The following PDE9A variants were observed in gnomAD, a reference collection of about 807,000 sequenced individuals.
The protein encoded by PDE9A is phosphodiesterase 9A, also known as high affinity cGMP-specific 3',5'-cyclic phosphodiesterase 9A.
Under a neutral mutation model 87.4 loss-of-function variants are expected in PDE9A, and 60 were observed. The ratio of observed to expected loss-of-function variants is 0.69; its 90% CI spans 0.56 to 0.85. The LOEUF is 0.85. Ranked by LOEUF, PDE9A falls within the 40% of genes least tolerant of loss-of-function variation. PDE9A has a pLI of 0.00. For missense variants in PDE9A, 665 were observed against 779.0 expected, an observed-to-expected ratio of 0.85 and a Z score of 1.74; for synonymous variants, 272 against 279.4, an observed-to-expected ratio of 0.97 and a Z score of 0.27.
chr21:42,671,609 G>C (rs1051292444), intron 1 of PDE9A, among the ~76,000 whole-genome samples: 1 of 152,208 alleles, frequency 6.6e-6, no homozygotes, highest in African/African-American at 2.4e-5. Context: ...AATTGCAGAT[G>C]AATTGCAGAT....
chr21:42,728,802 C>T (rs2051409539), intron 4 of PDE9A, among the ~76,000 whole-genome samples: 2 of 152,028 alleles, frequency 1.3e-5, no homozygotes, highest in African/African-American at 4.8e-5. Flanking sequence ...GAGTTCAAGA[C>T]CAGCCTGGCT....
chr21:42,716,957 G>A (rs940521963), intron 4 of PDE9A, among the ~76,000 whole-genome samples: 3 of 150,960 alleles, frequency 2.0e-5, no homozygotes, highest in African/African-American at 7.3e-5. Flanking sequence ...TCATCATCTT[G>A]GTCAGACTGG....
intron 6 of PDE9A, among the ~76,000 whole-genome samples, chr21:42,733,005 G>A (rs1015758181): frequency 6.6e-6 from 1 of 152,250 alleles, no homozygotes; most frequent in Non-Finnish European, 1.5e-5. Flanking sequence ...AGGTGTCTGT[G>A]CCCATCAGGG....
rs578203296 is a variant in PDE9A, at chr21:42,739,743, C to T, written c.569-4033C>T. The stretch of plus-strand genomic sequence containing the variant: ...GTGGACTCTGCACTGTCAATACAAA[C>T]GCTATGCACCCATCAAAAACCATGA... On this transcript the variant is annotated intron_variant, in intron 7 of 19. Transcript: ENST00000291539. The surrounding 1 kb of genome is among the most constrained non-coding windows in gnomAD (Gnocchi z 4.1). Among the ~76,000 whole-genome samples the T allele has an allele frequency of 7.9e-5, 12 of 152,002 alleles. No individual in the cohort carries two copies. Among genetic ancestry groups the T allele is most frequent in the Non-Finnish European group, 1.0e-4 (7 of 68,006 alleles).
chr21:42,663,170 ACAT>A (rs757792208), intron 1 of PDE9A, among the ~76,000 whole-genome samples: 3 of 149,254 alleles, frequency 2.0e-5, no homozygotes, highest in Non-Finnish European at 3.0e-5. Flanking sequence ...CATCACACAC[ACAT>A]CACACACATC....
At chr21:42,685,836 G>C (rs1569144826) in intron 1 of PDE9A, among the ~76,000 whole-genome samples, 1 of 152,158 alleles carries the variant, frequency 6.6e-6, no homozygotes, top group Non-Finnish European at 1.5e-5. Flanking sequence ...GCCCCCATGA[G>C]ATACTTGAAG....
intron 4 of PDE9A, among the ~76,000 whole-genome samples, chr21:42,717,971 G>A (rs1035390704): frequency 2.8e-4 from 43 of 151,594 alleles, no homozygotes; most frequent in African/African-American, 7.7e-4. Flanking sequence ...CCAGGCTAGA[G>A]TGCAGTGGTG....
chr21:42,730,138 T>C (rs2051564152), intron 4 of PDE9A, among the ~76,000 whole-genome samples: 1 of 152,256 alleles, frequency 6.6e-6, no homozygotes, highest in Non-Finnish European at 1.5e-5. Context: ...CCAAGTGGCC[T>C]GTAAAACCCT....
intron 1 of PDE9A, among the ~76,000 whole-genome samples, chr21:42,685,467 C>CTGTTTTTTTTTTTTTTT (rs2059405529): frequency 8.6e-6 from 1 of 115,974 alleles, no homozygotes; most frequent in East Asian, 2.7e-4. Context: ...GAAAGGCAGT[C>CTGTTTTTTTTTTTTTTT]TTTTTTTTTT....
intron 4 of PDE9A, among the ~76,000 whole-genome samples, chr21:42,727,548 G>A (rs28879369): frequency 0.12 from 16,618 of 137,934 alleles, 1,176 homozygotes; most frequent in East Asian, 0.35. Context: ...TCCCCAGGCT[G>A]GTCTCAAACT....
At chr21:42,654,334 A>T (rs1423351555) in intron 1 of PDE9A, among the ~76,000 whole-genome samples, 1 of 151,836 alleles carries the variant, frequency 6.6e-6, no homozygotes, top group African/African-American at 2.4e-5. Context: ...CCGACTGCAG[A>T]GGGGGACTCG....
chr21:42,715,920 C>G (rs920229938), intron 4 of PDE9A, among the ~76,000 whole-genome samples: 1 of 151,864 alleles, frequency 6.6e-6, no homozygotes, highest in East Asian at 1.9e-4. Flanking sequence ...CTATTCATCC[C>G]TCCCGCCCCA....
At chr21:42,769,224 C>T (rs2056678412) in intron 17 of PDE9A, 69 bp downstream of exon 17, 2 of 1,373,598 alleles carry the variant, frequency 1.5e-6, no homozygotes, top group Admixed American at 1.8e-5. Flanking sequence ...CAGGCACACA[C>T]ACATATACAC....
At chr21:42,745,722 G>A (rs2053777705) in intron 8 of PDE9A, among the ~76,000 whole-genome samples, 1 of 152,268 alleles carries the variant, frequency 6.6e-6, no homozygotes, top group African/African-American at 2.4e-5. Flanking sequence ...CCAGGGTGGT[G>A]CTGCCTGGCA....
chr21:42,703,918 A>T (rs1374518884), intron 4 of PDE9A, among the ~76,000 whole-genome samples: 11 of 152,258 alleles, frequency 7.2e-5, no homozygotes, highest in Non-Finnish European at 1.6e-4. Flanking sequence ...AGGTGCCAGG[A>T]TGAGAAAAAG....
rs975332471 is a variant in PDE9A, at chr21:42,698,072, G to A, written c.219-896G>A. Among the ~76,000 whole-genome samples, 7 of 152,328 alleles carry A rather than the reference G, an allele frequency of 4.6e-5. No individual in the cohort carries two copies. In the South Asian group the frequency reaches 6.2e-4, roughly 14 times the overall value. On this transcript the variant is annotated intron_variant, in intron 3 of 19. Coordinates refer to ENST00000291539, the MANE Select transcript of PDE9A (RefSeq NM_002606.3). The stretch of plus-strand genomic sequence containing the variant: ...TCAAAGACATGAACACATGACATCT[G>A]ACTGTCTCCCTGTGTGCTTGTGTTT...
In PDE9A at chr21:42,768,190, G is replaced by A. The variant is rs750189168; in HGVS notation, c.1359G>A (p.Leu453=). The stretch of plus-strand genomic sequence containing the variant: ...AATTCCAAAATCTCTTCTTTCAGCT[G>A]AAGATGATTTTGATAAAATGCTGTG... ...DYSNEEHMTL[L]KMILIKCCDI... is the part of the protein sequence containing the mutation. The change falls in exon 16 of 20, where the codon CTG becomes CTA. Residue 453 remains leucine, a splice_region_variant and synonymous_variant. Transcript: ENST00000291539. 1 of 1,593,302 alleles carries A rather than the reference G, an allele frequency of 6.3e-7. No homozygotes were observed. Among genetic ancestry groups the A allele is most frequent in the South Asian group, 1.1e-5 (1 of 90,658 alleles).
chr21:42,718,237 A>G (rs2050146506), intron 4 of PDE9A, among the ~76,000 whole-genome samples: 1 of 151,564 alleles, frequency 6.6e-6, no homozygotes, highest in African/African-American at 2.4e-5. Flanking sequence ...TCTTTCCTTT[A>G]TCTTTAGGTT....
chr21:42,653,812 A>G lies in PDE9A; in HGVS notation c.-3A>G. 6.8e-7 allele frequency: 1 copy of G among 1,481,300 alleles called. No individual in the cohort carries two copies. Among genetic ancestry groups the G allele is most frequent in the South Asian group, 1.2e-5 (1 of 83,162 alleles). The allele number at this position is 1,481,300 out of a possible 1,614,324, so 91.8% of individuals were successfully genotyped here. A position where few individuals can be genotyped will look rare whatever the true frequency, so the allele number is the denominator to read the frequency against. On this transcript the variant is annotated 5_prime_UTR_variant, in exon 1 of 20. Coordinates refer to ENST00000291539, the MANE Select transcript of PDE9A (RefSeq NM_002606.3). ...AAGTCCGAGTGCAGCCGCCGGGCGC[A>G]GGATGGGATCCGGCTCCTCCAGCTA...
Sources: gnomAD v4.1 joint callset for allele counts (sites outside exome capture counted in the v4.1 genomes callset) on GRCh38, gnomAD v4.1.1 for gene constraint, Gnocchi (gnomAD v3.1) non-coding constraint, MANE v1.5 for transcripts, NCBI Gene and HGNC (gene_info 2026-07-23, HGNC 2026-07-21) for gene names.